PLPP4: variants seen among roughly 807,000 people sequenced by gnomAD.
PLPP4 encodes phospholipid phosphatase 4, also known as diacylglycerol pyrophosphate like 2.
In PLPP4, 20 loss-of-function variants were observed where a neutral mutation model predicts 32.2. The ratio of observed to expected loss-of-function variants is 0.62; its 90% CI spans 0.44 to 0.90. The LOEUF is 0.90. PLPP4 is among the 40% of genes least tolerant of loss of function. The pLI is 0.00. For synonymous variants in PLPP4, 127 were observed against 133.0 expected, an observed-to-expected ratio of 0.95 and a Z score of 0.31; for missense variants, 257 against 353.1, an observed-to-expected ratio of 0.73 and a Z score of 2.18.
intron 5 of PLPP4, among the ~76,000 whole-genome samples, chr10:120,530,549 G>A (rs916474252): frequency 1.3e-4 from 20 of 151,964 alleles, no homozygotes; most frequent in East Asian, 1.9e-4. Flanking sequence ...TTCTTTATCC[G>A]TCTTATCTTT....
intron 1 of PLPP4, among the ~76,000 whole-genome samples, chr10:120,474,666 G>A (rs75510778): frequency 0.041 from 6,198 of 152,050 alleles, 195 homozygotes; most frequent in South Asian, 0.11. Flanking sequence ...CTTTGCTTTT[G>A]TTTCTCCTGA....
intron 5 of PLPP4, among the ~76,000 whole-genome samples, chr10:120,525,306 A>C (rs1198107792): frequency 6.6e-6 from 1 of 152,242 alleles, no homozygotes; most frequent in Non-Finnish European, 1.5e-5. Context: ...CTAAAGCAAG[A>C]CCAGTGCACT....
At chr10:120,500,314 G>A (rs1845182154) in intron 1 of PLPP4, among the ~76,000 whole-genome samples, 1 of 152,188 alleles carries the variant, frequency 6.6e-6, no homozygotes. Context: ...AGAAATAGGA[G>A]TCAAGGTTCT....
chr10:120,466,647 G>T (rs1278752007), intron 1 of PLPP4, among the ~76,000 whole-genome samples: 3 of 152,126 alleles, frequency 2.0e-5, no homozygotes, highest in African/African-American at 7.2e-5. Flanking sequence ...AGGTTGAACT[G>T]AATGACATTC....
intron 5 of PLPP4, among the ~76,000 whole-genome samples, chr10:120,547,746 A>G (rs547326481): frequency 6.6e-6 from 1 of 152,264 alleles, no homozygotes; most frequent in African/African-American, 2.4e-5. Flanking sequence ...TTGTTTGTTC[A>G]TGAAAACGTC....
chr10:120,568,722 A>G lies in PLPP4; in HGVS notation c.446-6409A>G, dbSNP rs542672414. Reference sequence around the variant, plus strand: ...CTTTTGATGGCTTATTTTTATATTTATGTTTCAGATCATTGTGGCATATAA... The same window carrying G: ...CTTTTGATGGCTTATTTTTATATTTGTGTTTCAGATCATTGTGGCATATAA... On this transcript the variant is annotated intron_variant, in intron 5 of 6. Coordinates refer to ENST00000398250, the MANE Select transcript of PLPP4 (RefSeq NM_001030059.3). Among the ~76,000 whole-genome samples the G allele has an allele frequency of 6.0e-4, 92 of 152,292 alleles. 1 individual carries two copies. Among genetic ancestry groups the G allele is most frequent in the African/African-American group, 2.1e-3 (88 of 41,560 alleles).
At chr10:120,539,163 T>C (rs1847218741) in intron 5 of PLPP4, among the ~76,000 whole-genome samples, 1 of 152,200 alleles carries the variant, frequency 6.6e-6, no homozygotes, top group African/African-American at 2.4e-5. Context: ...TGAGGGCTTC[T>C]GCTGGCTGCC....
rs1484016269 is a variant in PLPP4, at chr10:120,538,026, C to G, written c.445+16931C>G. ...TCTCTCTCTCTCTCTCTCTCTCTCT[C>G]TCTCTCTCTCTCTCTCTCTCTCTCT... On this transcript the variant is annotated intron_variant, in intron 5 of 6. Transcript: ENST00000398250. 3.5e-3 allele frequency among the ~76,000 whole-genome samples: 184 copies of G among 53,188 alleles called. 41 individuals carry two copies. Among genetic ancestry groups the G allele is most frequent in the East Asian group, 6.3e-3 (13 of 2,074 alleles). 34.9% of individuals were successfully genotyped at this position (53,188 alleles called of 152,430 possible).
intron 1 of PLPP4, among the ~76,000 whole-genome samples, chr10:120,462,453 G>A (rs1029635226): frequency 1.3e-5 from 2 of 152,180 alleles, no homozygotes; most frequent in African/African-American, 4.8e-5. Context: ...ACACTGCTTC[G>A]TGGCCGCAGC....
chr10:120,519,262 A>T (rs1846056713), intron 4 of PLPP4, among the ~76,000 whole-genome samples: 1 of 152,110 alleles, frequency 6.6e-6, no homozygotes, highest in Admixed American at 6.5e-5. Flanking sequence ...AGGATGAGAC[A>T]TATGGATTGG....
At chr10:120,548,836 G>T (rs927890370) in intron 5 of PLPP4, among the ~76,000 whole-genome samples, 1 of 151,848 alleles carries the variant, frequency 6.6e-6, no homozygotes, top group Non-Finnish European at 1.5e-5. Flanking sequence ...GTGATGTTGA[G>T]CATTTTTTCA....
intron 1 of PLPP4, among the ~76,000 whole-genome samples, chr10:120,457,783 T>C (rs1385322098): frequency 6.6e-6 from 1 of 152,128 alleles, no homozygotes; most frequent in Non-Finnish European, 1.5e-5. Context: ...CTCCCCGCTG[T>C]GCCCAGGGCC....
chr10:120,511,175 A>G (rs1339615476), intron 2 of PLPP4, among the ~76,000 whole-genome samples: 1 of 152,166 alleles, frequency 6.6e-6, no homozygotes, highest in African/African-American at 2.4e-5. Context: ...TGAGGGTCCA[A>G]TTAGGAAGAG....
At chr10:120,529,710 G>A (rs958820798) in intron 5 of PLPP4, among the ~76,000 whole-genome samples, 1 of 152,164 alleles carries the variant, frequency 6.6e-6, no homozygotes, top group East Asian at 1.9e-4. Flanking sequence ...ATGCAGCAGA[G>A]CAGCTCCTTC....
chr10:120,483,014 A>T (rs1844281177), intron 1 of PLPP4, among the ~76,000 whole-genome samples: 1 of 152,164 alleles, frequency 6.6e-6, no homozygotes, highest in African/African-American at 2.4e-5. Flanking sequence ...GCATCATCTA[A>T]TCAGCTGCTA....
Position 120,518,896 on chromosome 10 carries a change from G to A in PLPP4, c.320G>A (p.Arg107Lys). 1 of 1,608,698 alleles carries A rather than the reference G, an allele frequency of 6.2e-7. No homozygotes were observed. The change falls in exon 4 of 7, where the codon AGA becomes AAA. Residue 107 changes from arginine to lysine, a missense_variant and splice_region_variant. By Grantham distance (26) the Arg-to-Lys change is conservative. Coordinates refer to ENST00000398250, the MANE Select transcript of PLPP4 (RefSeq NM_001030059.3). Reference protein sequence around the residue: ...CTNTIKLIVGRPRPDFFYRCF... With the variant: ...CTNTIKLIVGKPRPDFFYRCF... ...AACACTATTAAATTAATAGTGGGAA[G>A]GTAAGTTCCAAGAAGAATGAAATGG... is the stretch of plus-strand genomic sequence containing the variant.
chr10:120,470,115 G>A (rs1848452962), intron 1 of PLPP4, among the ~76,000 whole-genome samples: 1 of 152,226 alleles, frequency 6.6e-6, no homozygotes, highest in South Asian at 2.1e-4. Context: ...CCATCATTAT[G>A]CATCCTTGCC....
At chr10:120,507,841 T>G (rs1216888131) in intron 2 of PLPP4, among the ~76,000 whole-genome samples, 1 of 152,136 alleles carries the variant, frequency 6.6e-6, no homozygotes, top group Non-Finnish European at 1.5e-5. Context: ...ATGAAACACT[T>G]GCCATGAGGA....
chr10:120,585,536 T>G (rs17634034), intron 6 of PLPP4, among the ~76,000 whole-genome samples: 37,111 of 152,046 alleles, frequency 0.24, 4,705 homozygotes, highest in Non-Finnish European at 0.29. Context: ...ACTATTTTTA[T>G]GTCCTATTTT....
Sources: allele counts gnomAD v4.1 joint callset (sites outside exome capture counted in the v4.1 genomes callset), GRCh38; gene constraint gnomAD v4.1.1; transcripts MANE v1.5; gene names NCBI Gene and HGNC (gene_info 2026-07-23, HGNC 2026-07-21).